The following PKN3 variants were observed in gnomAD, a reference collection of about 807,000 sequenced individuals.
PKN3 encodes the protein protein kinase N3.
In PKN3, 91 loss-of-function variants were observed where a neutral mutation model predicts 113.1. The ratio of observed to expected loss-of-function variants is 0.80; its 90% CI spans 0.68 to 0.96. PKN3 has a LOEUF of 0.96. Ranked by LOEUF, PKN3 falls within the 40% of genes least tolerant of loss-of-function variation. The pLI is 0.00. For missense variants in PKN3, 1,052 were observed against 1,202.2 expected, an observed-to-expected ratio of 0.88 and a Z score of 1.85; for synonymous variants, 467 against 499.0, an observed-to-expected ratio of 0.94 and a Z score of 0.85.
rs751123891 is a variant in PKN3, at chr9:128,715,197, C to T, written c.1678C>T (p.Arg560Cys). ...TRKPPRLQDF[R>C]CLAVLGRGHF... ...GAAACCCCCTCGGCTTCAGGACTTC[C>T]GCTGCTTAGCTGTGCTGGGCCGGGG... Residue 560 changes from arginine to cysteine, a missense_variant, in exon 14 of 22, where the codon CGC (arginine) becomes TGC (cysteine). Arg to Cys is a radical substitution (Grantham distance 180). Around this residue, in one of 2 missense-constraint regions of PKN3, gnomAD observed 333 missense variants for 442.8 expected, o/e 0.75. Coordinates refer to ENST00000291906, the MANE Select transcript of PKN3 (RefSeq NM_013355.5). This position sits in a 1 kb window ranked among gnomAD's most constrained non-coding sequence, Gnocchi z 4.1. 4.1e-5 allele frequency: 66 copies of T among 1,613,948 alleles called. No individual in the cohort carries two copies. The highest frequency in any genetic ancestry group is 5.0e-5 in the Admixed American group (3 of 59,982).
At position 128,715,012 on chromosome 9, in the gene PKN3, C is replaced by A; in HGVS notation, c.1652+147C>A. ...GATTTACTAAACCCACATTATTGAG[C>A]TCCAGCTCTATGCCGGCTTCTAGGA... On this transcript the variant is annotated intron_variant, in intron 13 of 21. Transcript: ENST00000291906. This position sits in a 1 kb window ranked among gnomAD's most constrained non-coding sequence, Gnocchi z 4.1. 2 of 1,075,600 alleles carry A rather than the reference C, an allele frequency of 1.9e-6. No individual in the cohort carries two copies. The highest frequency in any genetic ancestry group is 2.8e-6 in the Non-Finnish European group (2 of 707,920). 66.6% of individuals were successfully genotyped at this position (1,075,600 alleles called of 1,614,324 possible).
chr9:128,706,378 G>A (rs1218866731), intron 3 of PKN3, among the ~76,000 whole-genome samples: 1 of 152,014 alleles, frequency 6.6e-6, no homozygotes, highest in African/African-American at 2.4e-5. Flanking sequence ...GCTCTGATGG[G>A]GGAGGCATGA....
chr9:128,710,040 C>T (rs898724375), intron 6 of PKN3: 8 of 149,604 alleles, frequency 5.3e-5, no homozygotes, highest in Non-Finnish European at 1.2e-4. Context: ...ATTCTCCTGT[C>T]TCAGCCTCCC....
chr9:128,719,805 C>G lies in PKN3; in HGVS notation c.2245C>G (p.Leu749Val), dbSNP rs1862470170. ...AVDWWGLGVL[L>V]YEMLVGECPF... ...GGACTGGTGGGGGCTGGGTGTGCTGCTCTACGAGATGCTGGTGGGTGAGGT... is the reference window on the plus strand; with the variant it reads ...GGACTGGTGGGGGCTGGGTGTGCTGGTCTACGAGATGCTGGTGGGTGAGGT... The change falls in exon 19 of 22, where the codon CTC becomes GTC. Residue 749 changes from leucine (L) to valine (V), a missense_variant. Leu to Val is a conservative substitution (Grantham distance 32). Coordinates refer to ENST00000291906, the MANE Select transcript of PKN3 (RefSeq NM_013355.5). 1 of 1,606,824 alleles carries G rather than the reference C, an allele frequency of 6.2e-7. No homozygotes were observed. Among genetic ancestry groups the G allele is most frequent in the Non-Finnish European group, 8.5e-7 (1 of 1,176,062 alleles).
At chr9:128,705,193 G>C in intron 1 of PKN3, 110 bp from the exon 2 acceptor site, 1 of 1,391,944 alleles carries the variant, frequency 7.2e-7, no homozygotes, top group South Asian at 1.3e-5. Context: ...GTGCGAGTCA[G>C]TCCTGGGTGC....
In PKN3 at chr9:128,714,850, C is replaced by A. The variant is rs1862292828; in HGVS notation, c.1637C>A (p.Pro546Gln). 6.2e-7 allele frequency: 1 copy of A among 1,613,860 alleles called. No homozygotes were observed. Among genetic ancestry groups the A allele is most frequent in the African/African-American group, 1.3e-5 (1 of 74,924 alleles). ...EPRTRRGPSP[P>Q]ASPTRKPPRL... ...AGGACTCGACGTGGGCCATCTCCACCAGCCTCCCCCACCAGGTACCCCATC... is the reference window on the plus strand; with the variant it reads ...AGGACTCGACGTGGGCCATCTCCACAAGCCTCCCCCACCAGGTACCCCATC... The change falls in exon 13 of 22, where the codon CCA (proline) becomes CAA (glutamine). Residue 546 changes from proline (P) to glutamine (Q), a missense_variant. Transcript: ENST00000291906.
At chr9:128,704,558 C>T (rs1193547798) in intron 1 of PKN3, among the ~76,000 whole-genome samples, 1 of 152,126 alleles carries the variant, frequency 6.6e-6, no homozygotes, top group African/African-American at 2.4e-5. Flanking sequence ...AGATGGTGGC[C>T]CCTCCTCTGT....
intron 15 of PKN3, 111 bp from the exon 16 acceptor site, chr9:128,716,636 T>G: frequency 1.3e-6 from 1 of 782,222 alleles, no homozygotes; most frequent in Non-Finnish European, 2.1e-6. Flanking sequence ...ATCAGTCTAC[T>G]TGCCTGGCAC....
chr9:128,705,356 C>T lies in PKN3; in HGVS notation c.78C>T (p.Ala26=), dbSNP rs1490267138. The change falls in exon 2 of 22, where the codon GCC becomes GCT. Residue 26 remains alanine, a synonymous_variant. Coordinates refer to ENST00000291906, the MANE Select transcript of PKN3 (RefSeq NM_013355.5). ...ATGAGAAGGAGGTGATCCGCCGGGC[C>T]ATCCAGAAAGAGCTGAAGATCAAGG... ...PEDEKEVIRR[A]IQKELKIKEG... is the part of the protein sequence containing the mutation. The T allele has an allele frequency of 6.3e-7, 1 of 1,589,124 alleles. No homozygotes were observed. Among genetic ancestry groups the T allele is most frequent in the Admixed American group, 1.8e-5 (1 of 55,772 alleles).
At chr9:128,703,744 C>A in intron 1 of PKN3, 1 of 985,416 alleles carries the variant, frequency 1.0e-6, no homozygotes, top group Non-Finnish European at 1.2e-6. Flanking sequence ...GTGTAGACTC[C>A]TTGAGCGCCC....
chr9:128,705,719 T>C lies in PKN3; in HGVS notation c.266-15T>C. ...CTGGGTGAGGGACTCCTGTGCTCGA[T>C]ACCCCCGTGCACAGAGCCTGTGGCC... On this transcript the variant is annotated splice_polypyrimidine_tract_variant and intron_variant, in intron 2 of 21. Transcript: ENST00000291906. 6.3e-7 allele frequency: 1 copy of C among 1,595,356 alleles called. No individual in the cohort carries two copies. The highest frequency in any genetic ancestry group is 8.5e-7 in the Non-Finnish European group (1 of 1,171,092).
intron 6 of PKN3, among the ~76,000 whole-genome samples, chr9:128,711,226 G>A (rs1049631343): frequency 6.6e-6 from 1 of 151,218 alleles, no homozygotes; most frequent in Non-Finnish European, 1.5e-5. Flanking sequence ...GGCTGGTCTC[G>A]AACTTCCGAC....
intron 1 of PKN3, chr9:128,703,330 G>A: frequency 3.1e-6 from 3 of 977,196 alleles, no homozygotes; most frequent in Non-Finnish European, 3.6e-6. Context: ...GGCCTGGGGG[G>A]GTTAGAATGT....
chr9:128,706,855 C>G, intron 4 of PKN3, 31 bp downstream of exon 4: 2 of 1,613,278 alleles, frequency 1.2e-6, no homozygotes, highest in African/African-American at 2.7e-5. Flanking sequence ...GAGGGCGGAG[C>G]AGGGAAGAGC....
At position 128,716,756 on chromosome 9, in the gene PKN3, C is replaced by T. The variant is rs766380889; in HGVS notation, c.1818C>T (p.Cys606=). 3.2e-5 allele frequency: 51 copies of T among 1,613,524 alleles called. No homozygotes were observed. Among genetic ancestry groups the T allele is most frequent in the East Asian group, 2.5e-4 (11 of 44,878 alleles). The part of the protein sequence containing the change: ...LSRDEIESLY[C]EKRILEAVGC... Reference sequence around the variant, plus strand: ...TTGCTCTCTCCTGTAGCCTGTACTGCGAGAAGCGGATCCTGGAGGCTGTGG... The same window carrying T: ...TTGCTCTCTCCTGTAGCCTGTACTGTGAGAAGCGGATCCTGGAGGCTGTGG... Residue 606 remains cysteine, a synonymous_variant, in exon 16 of 22, where the codon TGC becomes TGT. Transcript: ENST00000291906.
At chr9:128,716,601 A>T (rs2132324780) in intron 15 of PKN3, 146 bp from the exon 16 acceptor site, 7 of 649,154 alleles carry the variant, frequency 1.1e-5, no homozygotes, top group South Asian at 6.0e-5. Context: ...GTGTCTCAAA[A>T]AAAAAAAAAA....
intron 6 of PKN3, among the ~76,000 whole-genome samples, chr9:128,709,538 G>A (rs1001821792): frequency 6.6e-6 from 1 of 151,730 alleles, no homozygotes; most frequent in South Asian, 2.1e-4. Flanking sequence ...GATCACCTGA[G>A]GTCGGGAGTT....
rs1311798366 is a variant in PKN3 at position 128,715,445 on chromosome 9, G to A, written c.1793G>A (p.Arg598Gln). ...KALKKQEVLS[R>Q]DEIESLYCEK... ...CTGAAGAAGCAGGAGGTGCTCAGCC[G>A]GGACGAGATAGAGAGGTGTGTGGGG... The change falls in exon 15 of 22, where the codon CGG becomes CAG. Residue 598 changes from arginine (R) to glutamine (Q), a missense_variant. Arg to Gln is a conservative substitution (Grantham distance 43, BLOSUM62 1). Coordinates refer to ENST00000291906, the MANE Select transcript of PKN3 (RefSeq NM_013355.5). This position sits in a 1 kb window ranked among gnomAD's most constrained non-coding sequence, Gnocchi z 4.1. The A allele has an allele frequency of 3.7e-6, 6 of 1,613,656 alleles. No homozygotes were observed. The highest frequency in any genetic ancestry group is 2.2e-5 in the East Asian group (1 of 44,884).
rs1316560951 is a variant in PKN3, at chr9:128,718,207, ATC to A, written c.1986-114_1986-113del. ...CATGATGCTTGTCCCAGTCTCACTCATCTCTGACTCTGGCCGGGACATCCGGG... is the reference window on the plus strand; with the variant it reads ...CATGATGCTTGTCCCAGTCTCACTCATCTGACTCTGGCCGGGACATCCGGG... On this transcript the variant is annotated intron_variant, in intron 16 of 21. Transcript: ENST00000291906. 3 of 781,910 alleles carry A rather than the reference ATC, an allele frequency of 3.8e-6. No individual in the cohort carries two copies. The African/African-American group carries it at 5.1e-5, about 13-fold the overall frequency. The allele number at this position is 781,910 out of a possible 1,614,324, so 48.4% of individuals were successfully genotyped here. A position where few individuals can be genotyped will look rare whatever the true frequency, so the allele number is the denominator to read the frequency against.
Sources: allele counts gnomAD v4.1 joint callset (sites outside exome capture counted in the v4.1 genomes callset), GRCh38; gene constraint gnomAD v4.1.1; regional missense constraint gnomAD v4.1.1; non-coding constraint Gnocchi (gnomAD v3.1); transcripts MANE v1.5; gene names NCBI Gene and HGNC (gene_info 2026-07-23, HGNC 2026-07-21).